Variants in UBR3 observed in about 807,000 individuals in gnomAD.
UBR3 encodes ubiquitin protein ligase E3 component n-recognin 3.
Under a neutral mutation model 243.2 loss-of-function variants are expected in UBR3, and 85 were observed. The observed-to-expected ratio is 0.35, with a 90% CI of 0.29 to 0.42. UBR3 has a LOEUF of 0.42. UBR3 is among the 10% of genes least tolerant of loss of function. UBR3 has a pLI of 1.00. For missense variants in UBR3, 1,686 were observed against 2,300.8 expected, an observed-to-expected ratio of 0.73 and a Z score of 5.47; for synonymous variants, 748 against 799.8, an observed-to-expected ratio of 0.94 and a Z score of 1.09.
At chr2:170,001,225 T>C in intron 26 of UBR3, 79 bp from the exon 27 acceptor site, 1 of 998,706 alleles carries the variant, frequency 1.0e-6, no homozygotes, top group South Asian at 1.5e-5. Context: ...CATGCAGAGG[T>C]TTATGTGGAC....
intron 20 of UBR3, among the ~76,000 whole-genome samples, chr2:169,942,916 A>C (rs951859411): frequency 6.6e-6 from 1 of 152,256 alleles, no homozygotes. Flanking sequence ...CCGTGGAACT[A>C]CAGGAGGTGT....
intron 36 of UBR3, 66 bp from the exon 37 acceptor site, chr2:170,079,748 A>T (rs2091876353): frequency 2.9e-6 from 4 of 1,381,622 alleles, no homozygotes; most frequent in East Asian, 2.5e-5. Context: ...AAATACATTT[A>T]AAAAATATAT....
chr2:169,834,598 T>A (rs936000607), intron 1 of UBR3, among the ~76,000 whole-genome samples: 2 of 152,228 alleles, frequency 1.3e-5, no homozygotes, highest in Non-Finnish European at 2.9e-5. Flanking sequence ...GCTGCTCTCA[T>A]AAGTGAAAAG....
At chr2:170,012,676 T>TG (rs1456505829) in intron 29 of UBR3, among the ~76,000 whole-genome samples, 15 of 150,906 alleles carry the variant, frequency 9.9e-5, no homozygotes, top group East Asian at 3.9e-4. Flanking sequence ...GATACTGGTT[T>TG]TTTTTTTTTT....
intron 1 of UBR3, 77 bp from the exon 2 acceptor site, chr2:169,872,159 C>T (rs149382574): frequency 1.3e-5 from 14 of 1,066,614 alleles, no homozygotes; most frequent in African/African-American, 3.3e-5. Context: ...ATTCCATTTA[C>T]GAATATTGTA....
chr2:169,840,233 A>G (rs998765627), intron 1 of UBR3, among the ~76,000 whole-genome samples: 5 of 152,200 alleles, frequency 3.3e-5, no homozygotes, highest in African/African-American at 1.2e-4. Context: ...CAGTTACTCA[A>G]GAGACTTTCC....
At chr2:170,010,840 A>G (rs1349129665) in intron 29 of UBR3, among the ~76,000 whole-genome samples, 1 of 152,124 alleles carries the variant, frequency 6.6e-6, no homozygotes, top group Non-Finnish European at 1.5e-5. Context: ...GTGAGGCGGC[A>G]TTCCTTCTCT....
intron 31 of UBR3, among the ~76,000 whole-genome samples, chr2:170,032,490 AG>A (rs1210881618): frequency 3.3e-5 from 5 of 152,156 alleles, no homozygotes; most frequent in Admixed American, 2.6e-4. Context: ...AACAACAAAA[AG>A]ATTATGCTTG....
chr2:169,942,383 A>T, intron 19 of UBR3, 110 bp from the exon 20 acceptor site: 1 of 1,081,248 alleles, frequency 9.2e-7, no homozygotes, highest in Non-Finnish European at 1.3e-6. Context: ...TTGATTAAAA[A>T]TAGCACTGCA....
At chr2:170,038,668 A>G (rs929814218) in intron 31 of UBR3, among the ~76,000 whole-genome samples, 53 of 152,290 alleles carry the variant, frequency 3.5e-4, no homozygotes, top group African/African-American at 1.2e-3. Flanking sequence ...GATGTCCTCA[A>G]GTTCCTAGCT....
intron 13 of UBR3, among the ~76,000 whole-genome samples, chr2:169,924,969 G>A (rs2085853805): frequency 6.6e-6 from 1 of 152,190 alleles, no homozygotes; most frequent in Admixed American, 6.5e-5. Context: ...GGGAGACAGA[G>A]GTTGCAGTGG....
In UBR3 at chr2:169,927,385, C is replaced by G; in HGVS notation, c.2404C>G (p.His802Asp). 1 of 1,550,340 alleles carries G rather than the reference C, an allele frequency of 6.5e-7. No individual in the cohort carries two copies. The highest frequency in any genetic ancestry group is 8.7e-7 in the Non-Finnish European group (1 of 1,146,350). The change falls in exon 17 of 39, where the codon CAC (histidine) becomes GAC (aspartate). Residue 802 changes from histidine (H) to aspartate (D), a missense_variant. Physicochemically the swap from His to Asp is moderately conservative, Grantham distance 81. This residue lies in a region of UBR3 where 346 missense variants were observed against 585.8 expected (regional missense o/e 0.59). Transcript: ENST00000272793. The part of the protein sequence containing the change: ...VAQLCMNDRT[H>D]SSLLDLIPEN... ...CCAGCTGTGTATGAATGACAGGACACACAGTTCATTGCTGGACCTCATATC... is the reference window on the plus strand; with the variant it reads ...CCAGCTGTGTATGAATGACAGGACAGACAGTTCATTGCTGGACCTCATATC...
chr2:170,048,494 G>C (rs995463408), intron 32 of UBR3, among the ~76,000 whole-genome samples: 4 of 152,106 alleles, frequency 2.6e-5, no homozygotes, highest in Non-Finnish European at 5.9e-5. Flanking sequence ...ATAGCTTATT[G>C]AACGTGTACA....
intron 29 of UBR3, chr2:170,014,475 T>TA (rs1179968848): frequency 2.0e-5 from 3 of 151,548 alleles, no homozygotes; most frequent in Non-Finnish European, 4.4e-5. Context: ...TGAAGAAAAA[T>TA]ACAATTTAAA....
intron 6 of UBR3, among the ~76,000 whole-genome samples, chr2:169,892,900 G>C (rs2084429141): frequency 6.6e-6 from 1 of 152,218 alleles, no homozygotes; most frequent in Non-Finnish European, 1.5e-5. Flanking sequence ...TATTGAGCTA[G>C]TGAGTTGCAG....
intron 26 of UBR3, among the ~76,000 whole-genome samples, chr2:169,997,938 G>A (rs985601435): frequency 4.6e-5 from 7 of 152,160 alleles, no homozygotes; most frequent in Admixed American, 1.3e-4. Flanking sequence ...ACTGCAGCTC[G>A]GTTTTCAGGC....
At chr2:169,968,189 C>G (rs1478494037) in intron 24 of UBR3, among the ~76,000 whole-genome samples, 1 of 152,128 alleles carries the variant, frequency 6.6e-6, no homozygotes, top group Non-Finnish European at 1.5e-5. Context: ...TCAGCTCAAA[C>G]ATTTATCATT....
chr2:169,851,836 C>CAAAA (rs139828838), intron 1 of UBR3, among the ~76,000 whole-genome samples: 3 of 90,476 alleles, frequency 3.3e-5, no homozygotes, highest in Admixed American at 1.3e-4. Context: ...GGCTCCGTCT[C>CAAAA]AAAAAAAAAA....
chr2:169,985,792 C>A (rs1338436824), intron 24 of UBR3, among the ~76,000 whole-genome samples: 1 of 152,058 alleles, frequency 6.6e-6, no homozygotes, highest in African/African-American at 2.4e-5. Flanking sequence ...GTGTGTATAT[C>A]TGCATGAATT....
Sources: gnomAD v4.1 joint callset for allele counts (sites outside exome capture counted in the v4.1 genomes callset) on GRCh38, gnomAD v4.1.1 for gene constraint, gnomAD v4.1.1 regional missense constraint, MANE v1.5 for transcripts, NCBI Gene and HGNC (gene_info 2026-07-23, HGNC 2026-07-21) for gene names.